The following EPM2A variants were observed in gnomAD, a reference collection of about 807,000 sequenced individuals.
The protein encoded by EPM2A is EPM2A glucan phosphatase, laforin, also known as laforin.
EPM2A carries 21 observed loss-of-function variants against 26.5 expected under a neutral mutation model. The observed-to-expected ratio is 0.79, with a 90% CI of 0.56 to 1.14. The LOEUF (loss-of-function observed/expected upper bound fraction) is 1.14, where lower values mean the gene tolerates loss of function less well. EPM2A is among the 50% of genes most tolerant of loss of function. EPM2A has a pLI of 0.00. For synonymous variants in EPM2A, 217 were observed against 177.6 expected (o/e 1.22, Z -1.76); for missense variants, 458 against 440.8 (o/e 1.04, Z -0.35).
chr6:145,582,900 C>G (rs1323421195), intron 2 of EPM2A, among the ~76,000 whole-genome samples: 3 of 152,082 alleles, frequency 2.0e-5, no homozygotes, highest in Non-Finnish European at 2.9e-5. Flanking sequence ...ACTTGAAGAA[C>G]CAGTATTCGA....
At chr6:145,432,033 G>A (rs2114692799) in intron 4 of EPM2A, among the ~76,000 whole-genome samples, 1 of 152,242 alleles carries the variant, frequency 6.6e-6, no homozygotes, top group East Asian at 1.9e-4. Flanking sequence ...TTCTATTCAA[G>A]TTTTATCATG....
At chr6:145,420,382 A>G (rs1401355418) in intron 4 of EPM2A, among the ~76,000 whole-genome samples, 2 of 152,182 alleles carry the variant, frequency 1.3e-5, no homozygotes, top group African/African-American at 4.8e-5. Flanking sequence ...ATTATGTCTT[A>G]TGCTGGCTGC....
intron 1 of EPM2A, among the ~76,000 whole-genome samples, chr6:145,732,805 T>C (rs1217589989): frequency 1.3e-5 from 2 of 152,198 alleles, no homozygotes; most frequent in African/African-American, 2.4e-5. Flanking sequence ...ATAATCATAG[T>C]AAAAAATAAT....
At chr6:145,423,362 T>C (rs1778813288) in intron 4 of EPM2A, among the ~76,000 whole-genome samples, 1 of 152,174 alleles carries the variant, frequency 6.6e-6, no homozygotes, top group Non-Finnish European at 1.5e-5. Context: ...TTACGCAGAT[T>C]TTGACAAGAG....
chr6:145,524,289 G>A (rs562652476), intron 2 of EPM2A, among the ~76,000 whole-genome samples: 1 of 152,114 alleles, frequency 6.6e-6, no homozygotes, highest in South Asian at 2.1e-4. Flanking sequence ...TTTTCCTTTG[G>A]GTATATACCC....
chr6:145,480,697 T>A (rs946539534), intron 4 of EPM2A, among the ~76,000 whole-genome samples: 2 of 152,140 alleles, frequency 1.3e-5, no homozygotes, highest in Non-Finnish European at 2.9e-5. Flanking sequence ...GACCTTTTAA[T>A]TAAATGAATC....
intron 2 of EPM2A, among the ~76,000 whole-genome samples, chr6:145,505,124 C>G (rs1582806924): frequency 7.1e-6 from 1 of 140,030 alleles, no homozygotes; most frequent in Non-Finnish European, 1.5e-5. Context: ...AGGGATAGCA[C>G]TGGGAGATAT....
chr6:145,679,348 T>C (rs1468762460), intron 2 of EPM2A, among the ~76,000 whole-genome samples: 1 of 151,904 alleles, frequency 6.6e-6, no homozygotes, highest in African/African-American at 2.4e-5. Context: ...ACATGGCACA[T>C]GTATACCTAT....
intron 1 of EPM2A, among the ~76,000 whole-genome samples, chr6:145,695,163 G>T (rs1018629856): frequency 5.3e-5 from 8 of 151,984 alleles, no homozygotes; most frequent in African/African-American, 1.7e-4. Flanking sequence ...ATCATAAAAT[G>T]TGGTAGGGAG....
At chr6:145,590,707 G>A (rs143636807) in intron 2 of EPM2A, among the ~76,000 whole-genome samples, 4 of 152,178 alleles carry the variant, frequency 2.6e-5, no homozygotes, top group East Asian at 3.9e-4. Context: ...TCTCTGGCAC[G>A]TACAGCAAAC....
chr6:145,464,882 A>G (rs1468732984), intron 4 of EPM2A, among the ~76,000 whole-genome samples: 3 of 152,128 alleles, frequency 2.0e-5, no homozygotes, highest in Admixed American at 6.6e-5. Flanking sequence ...GGGTAACCCA[A>G]CCTTTCTCTC....
chr6:145,521,991 C>T (rs537381724), intron 2 of EPM2A, among the ~76,000 whole-genome samples: 1 of 152,268 alleles, frequency 6.6e-6, no homozygotes, highest in South Asian at 2.1e-4. Context: ...CTCCCTCTGT[C>T]GCCCAGGCTG....
downstream of EPM2A, among the ~76,000 whole-genome samples, chr6:145,623,786 G>A (rs1775686910): frequency 6.6e-6 from 1 of 152,140 alleles, no homozygotes; most frequent in Admixed American, 6.5e-5. Flanking sequence ...GTAGTCTTGG[G>A]ATCACATTGG....
At chr6:145,424,103 G>T (rs2114686119) in intron 4 of EPM2A, among the ~76,000 whole-genome samples, 1 of 152,292 alleles carries the variant, frequency 6.6e-6, no homozygotes, top group African/African-American at 2.4e-5. Context: ...CCAGCAAGAA[G>T]CCCACAGATA....
At chr6:145,595,434 A>G (rs898583296) in intron 2 of EPM2A, among the ~76,000 whole-genome samples, 8 of 151,772 alleles carry the variant, frequency 5.3e-5, no homozygotes, top group African/African-American at 1.9e-4. Flanking sequence ...ACTTATAGCA[A>G]CTCAGATTGC....
intron 2 of EPM2A, among the ~76,000 whole-genome samples, chr6:145,569,086 C>T (rs142430706): frequency 0.016 from 2,495 of 152,264 alleles, 44 homozygotes; most frequent in Non-Finnish European, 0.026. Flanking sequence ...CCACTTTAAA[C>T]GCTTCAGAGT....
chr6:145,386,487 A>G (rs1778263422), intron 4 of EPM2A, among the ~76,000 whole-genome samples: 1 of 152,176 alleles, frequency 6.6e-6, no homozygotes, highest in Non-Finnish European at 1.5e-5. Context: ...AAGAGTTTCA[A>G]TCATATAATA....
At chr6:145,691,518 A>G (rs577998143) in intron 1 of EPM2A, among the ~76,000 whole-genome samples, 2 of 152,258 alleles carry the variant, frequency 1.3e-5, no homozygotes, top group East Asian at 3.9e-4. Flanking sequence ...CTCTTTGAAA[A>G]CAGGAAGAAT....
chr6:145,522,844 T>C (rs1780221007), intron 2 of EPM2A, among the ~76,000 whole-genome samples: 1 of 64,046 alleles, frequency 1.6e-5, no homozygotes, highest in African/African-American at 4.4e-5. Context: ...AGACACTCTC[T>C]TTTTTTATAA....
Sources: gnomAD v4.1 joint callset for allele counts (sites outside exome capture counted in the v4.1 genomes callset) on GRCh38, gnomAD v4.1.1 for gene constraint, MANE v1.5 for transcripts, NCBI Gene and HGNC (gene_info 2026-07-23, HGNC 2026-07-21) for gene names.